Variants in LDLRAD3 observed in about 807,000 individuals in gnomAD.
The protein encoded by LDLRAD3 is low density lipoprotein receptor class A domain containing 3, also known as low-density lipoprotein receptor class A domain-containing protein 3.
A neutral mutation model predicts 29.4 loss-of-function variants in LDLRAD3; 20 were observed. The ratio of observed to expected loss-of-function variants is 0.68; its 90% CI spans 0.48 to 0.99. The LOEUF (loss-of-function observed/expected upper bound fraction) is 0.99. Among genes scored for constraint, LDLRAD3 ranks in the 50% least tolerant of loss-of-function variants. LDLRAD3 has a pLI of 0.00. For missense variants in LDLRAD3, 420 were observed against 454.3 expected (o/e 0.92, Z 0.69); for synonymous variants, 157 against 192.7 (o/e 0.81, Z 1.53).
intron 2 of LDLRAD3, among the ~76,000 whole-genome samples, chr11:36,073,011 T>C (rs1288595228): frequency 1.2e-5 from 1 of 85,444 alleles, no homozygotes; most frequent in Non-Finnish European, 2.6e-5. Flanking sequence ...TTCTTTACTC[T>C]GAGACTTTGC....
intron 3 of LDLRAD3, among the ~76,000 whole-genome samples, chr11:36,096,946 A>G (rs572025982): frequency 1.2e-4 from 19 of 152,352 alleles, no homozygotes; most frequent in African/African-American, 4.6e-4. Flanking sequence ...TGGCTGAACT[A>G]GTTATTGAAA....
At chr11:36,223,689 G>T (rs753858059) in intron 4 of LDLRAD3, among the ~76,000 whole-genome samples, 9 of 151,988 alleles carry the variant, frequency 5.9e-5, no homozygotes, top group Non-Finnish European at 1.3e-4. Flanking sequence ...CTGCACTCCA[G>T]CTTGGGCAAC....
At chr11:36,193,837 G>A (rs988400351) in intron 4 of LDLRAD3, among the ~76,000 whole-genome samples, 7 of 152,074 alleles carry the variant, frequency 4.6e-5, no homozygotes, top group Non-Finnish European at 7.4e-5. Context: ...AGGGCTTGAG[G>A]CTTTGGAGGT....
chr11:36,040,963 G>A (rs1852374076), intron 2 of LDLRAD3, among the ~76,000 whole-genome samples: 1 of 151,792 alleles, frequency 6.6e-6, no homozygotes, highest in African/African-American at 2.4e-5. Context: ...TTATTTCTTT[G>A]TGAGATACCT....
At chr11:36,152,528 C>T (rs957872076) in intron 4 of LDLRAD3, among the ~76,000 whole-genome samples, 1 of 152,144 alleles carries the variant, frequency 6.6e-6, no homozygotes, top group Non-Finnish European at 1.5e-5. Context: ...AGCCCCTACC[C>T]GTGTCCCTAT....
intron 4 of LDLRAD3, among the ~76,000 whole-genome samples, chr11:36,201,738 G>T (rs914352758): frequency 6.6e-6 from 1 of 152,250 alleles, no homozygotes; most frequent in South Asian, 2.1e-4. Context: ...GTGTTGTGTT[G>T]TAGTCTCCTC....
intron 4 of LDLRAD3, among the ~76,000 whole-genome samples, chr11:36,173,118 G>A (rs955620063): frequency 2.0e-5 from 3 of 151,952 alleles, no homozygotes; most frequent in Admixed American, 2.0e-4. Context: ...GTGTGTAAGG[G>A]TATTCATAGT....
At chr11:36,030,772 C>T (rs1852226655) in intron 1 of LDLRAD3, among the ~76,000 whole-genome samples, 1 of 152,152 alleles carries the variant, frequency 6.6e-6, no homozygotes, top group Admixed American at 6.5e-5. Context: ...TCATGGTTTC[C>T]AGATGTCAGT....
rs375698675 is a variant in LDLRAD3, at chr11:36,109,417, G to C, written c.454+10956G>C. Among the ~76,000 whole-genome samples the C allele has an allele frequency of 9.0e-4, 137 of 152,288 alleles. 1 individual carries two copies. Among genetic ancestry groups the C allele is most frequent in the South Asian group, 4.1e-3 (20 of 4,822 alleles). On this transcript the variant is annotated intron_variant, in intron 4 of 5. Transcript: ENST00000315571. ...TGGCTTCAGGAAGTATTTCAGGCTA[G>C]AATCGCCAAGATTTGATGACAAACT...
At chr11:36,196,095 C>G (rs962162211) in intron 4 of LDLRAD3, among the ~76,000 whole-genome samples, 35 of 151,808 alleles carry the variant, frequency 2.3e-4, no homozygotes, top group African/African-American at 8.5e-4. Flanking sequence ...GACTGCTGCT[C>G]TATTTCACAG....
intron 4 of LDLRAD3, among the ~76,000 whole-genome samples, chr11:36,144,816 C>A (rs1232821649): frequency 7.9e-6 from 1 of 126,142 alleles, no homozygotes; most frequent in Non-Finnish European, 1.7e-5. Context: ...GGGGGGTCAG[C>A]CCCCCGCCCG....
chr11:36,035,579 A>T (rs1017279060), intron 1 of LDLRAD3, among the ~76,000 whole-genome samples: 2 of 152,164 alleles, frequency 1.3e-5, no homozygotes, highest in Admixed American at 1.3e-4. Flanking sequence ...GTGCCACCTC[A>T]GGCAGGTTGG....
intron 4 of LDLRAD3, among the ~76,000 whole-genome samples, chr11:36,185,404 A>C (rs552193469): frequency 3.1e-4 from 47 of 152,376 alleles, no homozygotes; most frequent in African/African-American, 1.1e-3. Flanking sequence ...CTGAGAATTT[A>C]GGGTATAGGA....
At chr11:36,138,017 C>G (rs923872165) in intron 4 of LDLRAD3, among the ~76,000 whole-genome samples, 11 of 152,298 alleles carry the variant, frequency 7.2e-5, no homozygotes, top group Non-Finnish European at 7.3e-5. Flanking sequence ...CTGGGCCATA[C>G]GTAACTCAGG....
At chr11:36,076,394 CT>C (rs35086079) in intron 2 of LDLRAD3, among the ~76,000 whole-genome samples, 40 of 147,306 alleles carry the variant, frequency 2.7e-4, no homozygotes, top group African/African-American at 4.0e-4. Flanking sequence ...TTCTCACTGT[CT>C]TTTTTTTTTT....
intron 4 of LDLRAD3, among the ~76,000 whole-genome samples, chr11:36,226,469 C>T (rs970077954): frequency 3.2e-4 from 48 of 152,348 alleles, no homozygotes; most frequent in African/African-American, 1.1e-3. Flanking sequence ...ATTTCTGCTA[C>T]AAGAACTCTC....
At chr11:36,046,022 A>T (rs959381036) in intron 2 of LDLRAD3, among the ~76,000 whole-genome samples, 4 of 151,422 alleles carry the variant, frequency 2.6e-5, no homozygotes, top group Non-Finnish European at 4.4e-5. Flanking sequence ...GTCTATGCAT[A>T]CCCATTGTTC....
chr11:36,124,613 A>G (rs778726211), intron 4 of LDLRAD3, among the ~76,000 whole-genome samples: 1 of 151,580 alleles, frequency 6.6e-6, no homozygotes, highest in Non-Finnish European at 1.5e-5. Flanking sequence ...CATACCCTGT[A>G]TGTTCTAACT....
chr11:36,213,305 T>C lies in LDLRAD3; in HGVS notation c.455-13780T>C, dbSNP rs1419707314. 6.6e-6 allele frequency among the ~76,000 whole-genome samples: 1 copy of C among 152,210 alleles called. No homozygotes were observed. The highest frequency in any genetic ancestry group is 2.4e-5 in the African/African-American group (1 of 41,462). On this transcript the variant is annotated intron_variant, in intron 4 of 5. Coordinates refer to ENST00000315571, the MANE Select transcript of LDLRAD3 (RefSeq NM_174902.4). This position sits in a 1 kb window ranked among gnomAD's most constrained non-coding sequence, Gnocchi z 4.1. ...GCTCCAGTTTTCCCATCACCCTCTT[T>C]TCAGTTAATTTTAGCAACTTGAGTT...
Sources: allele counts gnomAD v4.1 joint callset (sites outside exome capture counted in the v4.1 genomes callset), GRCh38; gene constraint gnomAD v4.1.1; non-coding constraint Gnocchi (gnomAD v3.1); transcripts MANE v1.5; gene names NCBI Gene and HGNC (gene_info 2026-07-23, HGNC 2026-07-21).